The following CFAP54 variants were observed in gnomAD, a reference collection of about 807,000 sequenced individuals.
CFAP54 encodes the protein cilia and flagella associated protein 54.
In CFAP54, 290 loss-of-function variants were observed where a neutral mutation model predicts 370.4. That is an observed-to-expected ratio of 0.78 (90% CI 0.71 to 0.86). The LOEUF is 0.86. CFAP54 is among the 40% of genes least tolerant of loss of function. The pLI, the probability that CFAP54 is intolerant of heterozygous loss-of-function variation, is 0.00. For missense variants in CFAP54, 3,399 were observed against 3,528.7 expected (o/e 0.96, Z 0.93); for synonymous variants, 1,206 against 1,236.5 (o/e 0.98, Z 0.52).
chr12:96,693,854 G>A (rs753603779), intron 45 of CFAP54, 46 bp downstream of exon 45: 9 of 1,232,956 alleles, frequency 7.3e-6, no homozygotes, highest in South Asian at 1.3e-5. Flanking sequence ...GAACTATTAA[G>A]GATATTGTCA....
chr12:96,643,048 A>G lies in CFAP54; in HGVS notation c.4317-1130A>G, dbSNP rs143874093. 4.1e-3 allele frequency among the ~76,000 whole-genome samples: 618 copies of G among 152,282 alleles called. 4 individuals are homozygous for G. The highest frequency in any genetic ancestry group is 0.014 in the African/African-American group (575 of 41,552). On this transcript the variant is annotated intron_variant, in intron 32 of 67. Coordinates refer to ENST00000524981, the MANE Select transcript of CFAP54 (RefSeq NM_001306084.2). ...GGAAGATGCAACCGATTGTTGACTCATCTTGGCCTTTTGAGGAGAATTGAT... is the reference window on the plus strand; with the variant it reads ...GGAAGATGCAACCGATTGTTGACTCGTCTTGGCCTTTTGAGGAGAATTGAT...
At chr12:96,503,517 G>A (rs1955056343) in intron 2 of CFAP54, among the ~76,000 whole-genome samples, 2 of 147,666 alleles carry the variant, frequency 1.4e-5, no homozygotes, top group African/African-American at 5.0e-5. Flanking sequence ...TATCAGAGAA[G>A]CAAGACTACT....
intron 39 of CFAP54, among the ~76,000 whole-genome samples, chr12:96,675,217 C>T (rs1957192280): frequency 1.3e-5 from 2 of 152,078 alleles, no homozygotes; most frequent in African/African-American, 4.8e-5. Flanking sequence ...CCAGAATCTA[C>T]AATGAACTCA....
At chr12:96,613,423 A>G (rs1956380809) in intron 26 of CFAP54, among the ~76,000 whole-genome samples, 1 of 152,262 alleles carries the variant, frequency 6.6e-6, no homozygotes, top group Non-Finnish European at 1.5e-5. Context: ...AGCAGGAAAG[A>G]TCTAAAATTG....
intron 26 of CFAP54, among the ~76,000 whole-genome samples, chr12:96,610,434 G>A (rs1956345194): frequency 6.6e-6 from 1 of 152,154 alleles, no homozygotes; most frequent in African/African-American, 2.4e-5. Flanking sequence ...TCCCAAGATG[G>A]CTGAATAGGA....
At chr12:96,740,458 C>A (rs1341453455) in intron 51 of CFAP54, among the ~76,000 whole-genome samples, 1 of 152,230 alleles carries the variant, frequency 6.6e-6, no homozygotes, top group Admixed American at 6.5e-5. Flanking sequence ...CTGTTTCCTG[C>A]TTTGGATTCC....
At chr12:96,667,455 C>G (rs1957094551) in intron 39 of CFAP54, among the ~76,000 whole-genome samples, 1 of 152,206 alleles carries the variant, frequency 6.6e-6, no homozygotes, top group Non-Finnish European at 1.5e-5. Flanking sequence ...AATCTCAGTT[C>G]TTGACTTCTG....
chr12:96,805,158 A>G (rs1958864451), intron 63 of CFAP54, among the ~76,000 whole-genome samples: 1 of 152,140 alleles, frequency 6.6e-6, no homozygotes, highest in Non-Finnish European at 1.5e-5. Flanking sequence ...AAACCTAAAA[A>G]ATTCTCCTGG....
At chr12:96,790,176 A>G (rs918117365) in intron 62 of CFAP54, among the ~76,000 whole-genome samples, 3 of 152,204 alleles carry the variant, frequency 2.0e-5, no homozygotes, top group Non-Finnish European at 4.4e-5. Flanking sequence ...GAATATGATT[A>G]AAACTGTGCA....
chr12:96,600,949 A>G (rs1351091126), intron 26 of CFAP54, among the ~76,000 whole-genome samples: 1 of 152,104 alleles, frequency 6.6e-6, no homozygotes, highest in Non-Finnish European at 1.5e-5. Flanking sequence ...AATACCCTTT[A>G]TTTCTTTCTC....
At chr12:96,653,128 C>T (rs111820035) in intron 36 of CFAP54, among the ~76,000 whole-genome samples, 2,114 of 152,338 alleles carry the variant, frequency 0.014, 29 homozygotes, top group Middle Eastern at 0.031. Context: ...CCATGTACCT[C>T]TTCACTAGGC....
intron 58 of CFAP54, among the ~76,000 whole-genome samples, chr12:96,761,826 A>G (rs1958342771): frequency 6.6e-6 from 1 of 152,098 alleles, no homozygotes; most frequent in African/African-American, 2.4e-5. Flanking sequence ...TGGATTTTCA[A>G]TCCTGTTTCA....
At chr12:96,866,866 CAA>C (rs1960018532) in intron 67 of CFAP54, among the ~76,000 whole-genome samples, 1 of 152,066 alleles carries the variant, frequency 6.6e-6, no homozygotes, top group Non-Finnish European at 1.5e-5. Context: ...AGAAATAAAA[CAA>C]AACAATGTTC....
intron 55 of CFAP54, among the ~76,000 whole-genome samples, chr12:96,751,180 A>C (rs1469310792): frequency 6.6e-6 from 1 of 152,204 alleles, no homozygotes; most frequent in Non-Finnish European, 1.5e-5. Flanking sequence ...CTATGATAGG[A>C]GTGAATGAAA....
intron 60 of CFAP54, among the ~76,000 whole-genome samples, chr12:96,766,992 G>T (rs114770955): frequency 1.3e-5 from 2 of 152,144 alleles, no homozygotes; most frequent in Non-Finnish European, 2.9e-5. Flanking sequence ...AGAGACAGTG[G>T]TTATCTGGGG....
At chr12:96,627,353 C>T (rs931428480) in intron 30 of CFAP54, among the ~76,000 whole-genome samples, 1 of 152,150 alleles carries the variant, frequency 6.6e-6, no homozygotes, top group African/African-American at 2.4e-5. Context: ...GGGAGTTCCT[C>T]AAATAAAAGC....
At chr12:96,861,516 CT>C (rs2136464034) in intron 67 of CFAP54, among the ~76,000 whole-genome samples, 1 of 152,328 alleles carries the variant, frequency 6.6e-6, no homozygotes, top group South Asian at 2.1e-4. Flanking sequence ...GGGAAAAAAT[CT>C]GTAGCAAATG....
intron 22 of CFAP54, 91 bp from the exon 23 acceptor site, chr12:96,589,336 T>C (rs1956103767): frequency 2.9e-6 from 3 of 1,047,622 alleles, no homozygotes; most frequent in Non-Finnish European, 4.1e-6. Context: ...CCTTATAAAA[T>C]GCTGTCATAG....
chr12:96,787,844 C>G (rs1958643567), intron 62 of CFAP54, among the ~76,000 whole-genome samples: 1 of 151,270 alleles, frequency 6.6e-6, no homozygotes, highest in South Asian at 2.1e-4. Context: ...ATTAGTATAT[C>G]TTAGTTTTAC....
Sources: gnomAD v4.1 joint callset for allele counts (sites outside exome capture counted in the v4.1 genomes callset) on GRCh38, gnomAD v4.1.1 for gene constraint, MANE v1.5 for transcripts, NCBI Gene and HGNC (gene_info 2026-07-23, HGNC 2026-07-21) for gene names.